Variants in NBEA observed in about 807,000 individuals in gnomAD.
NBEA encodes neurobeachin, also known as lysosomal-trafficking regulator 2.
Under a neutral mutation model 343.4 loss-of-function variants are expected in NBEA, and 44 were observed. The observed-to-expected ratio is 0.13, with a 90% CI of 0.10 to 0.16. The LOEUF is 0.16. Among genes scored for constraint, NBEA ranks in the 10% least tolerant of loss-of-function variants. The probability of loss-of-function intolerance (pLI) is 1.00; values close to 1 mark genes in which losing one functional copy is unlikely to be tolerated. For synonymous variants in NBEA, 1,175 were observed against 1,238.7 expected, an observed-to-expected ratio of 0.95 and a Z score of 1.08; for missense variants, 2,555 against 3,631.3, an observed-to-expected ratio of 0.70 and a Z score of 7.62.
intron 41 of NBEA, chr13:35,476,506 C>T: frequency 4.5e-6 from 3 of 665,976 alleles, no homozygotes; most frequent in Non-Finnish European, 7.9e-6. Context: ...ACAAAAGTTG[C>T]GCTGAGACCC....
chr13:35,395,391 G>T (rs1378879574), intron 38 of NBEA, among the ~76,000 whole-genome samples: 2 of 151,720 alleles, frequency 1.3e-5, no homozygotes, highest in Non-Finnish European at 2.9e-5. Flanking sequence ...CTTCTGCTCT[G>T]GTTATGTAAG....
chr13:35,426,694 C>T (rs1220309209), intron 38 of NBEA, among the ~76,000 whole-genome samples: 1 of 152,072 alleles, frequency 6.6e-6, no homozygotes, highest in African/African-American at 2.4e-5. Context: ...TGTTGGCCTG[C>T]CTTGCTAGGT....
chr13:35,110,208 C>T (rs2066131729), intron 12 of NBEA, among the ~76,000 whole-genome samples: 1 of 126,060 alleles, frequency 7.9e-6, no homozygotes, highest in Non-Finnish European at 1.6e-5. Flanking sequence ...CCTCCCCCCT[C>T]CCCCGAAAGA....
At chr13:35,391,689 G>A (rs1170006236) in intron 38 of NBEA, among the ~76,000 whole-genome samples, 2 of 152,102 alleles carry the variant, frequency 1.3e-5, no homozygotes, top group Non-Finnish European at 2.9e-5. Flanking sequence ...TTGGAAACAT[G>A]GAACATAAAA....
chr13:35,450,434 C>G (rs1257616021), intron 39 of NBEA, among the ~76,000 whole-genome samples: 1 of 152,170 alleles, frequency 6.6e-6, no homozygotes, highest in Non-Finnish European at 1.5e-5. Flanking sequence ...CTGCAGTGAG[C>G]TGTGATCATG....
At position 35,509,070 on chromosome 13, in the gene NBEA, G is replaced by T. The variant is rs565226085; in HGVS notation, c.6585+36534G>T. 2.2e-4 allele frequency among the ~76,000 whole-genome samples: 34 copies of T among 152,312 alleles called. No homozygotes were observed. In the South Asian group the frequency reaches 2.9e-3, roughly 13 times the overall value. ...CCCTGACCAGGAGTCCCTCCCATGGGTAACTGTTTATAATGGCGGATGCCA... is the reference window on the plus strand; with the variant it reads ...CCCTGACCAGGAGTCCCTCCCATGGTTAACTGTTTATAATGGCGGATGCCA... On this transcript the variant is annotated intron_variant, in intron 41 of 58. Transcript: ENST00000379939.
intron 41 of NBEA, among the ~76,000 whole-genome samples, chr13:35,485,827 GAAT>G (rs1342841471): frequency 2.6e-5 from 4 of 152,016 alleles, no homozygotes; most frequent in Non-Finnish European, 5.9e-5. Context: ...ACAAAAATCA[GAAT>G]AATATCAAAT....
chr13:35,640,178 C>A (rs935943570), intron 49 of NBEA, among the ~76,000 whole-genome samples: 16 of 152,156 alleles, frequency 1.1e-4, no homozygotes, highest in Non-Finnish European at 2.2e-4. Flanking sequence ...AACACATAAG[C>A]ACACATTATA....
chr13:35,625,433 A>G (rs1251088207), intron 48 of NBEA, among the ~76,000 whole-genome samples: 3 of 152,088 alleles, frequency 2.0e-5, no homozygotes, highest in Admixed American at 6.5e-5. Flanking sequence ...CCTGGGCAAC[A>G]TGGCGAAACC....
At chr13:35,101,563 A>G (rs912610434) in intron 11 of NBEA, among the ~76,000 whole-genome samples, 9 of 151,722 alleles carry the variant, frequency 5.9e-5, no homozygotes, top group Admixed American at 5.9e-4. Context: ...GTGTCTTATT[A>G]TTGATTTGTA....
intron 1 of NBEA, among the ~76,000 whole-genome samples, chr13:34,979,662 T>TA (rs1347637277): frequency 5.3e-5 from 8 of 152,234 alleles, no homozygotes; most frequent in Non-Finnish European, 8.8e-5. Context: ...GGAAATTTTT[T>TA]AAAAGTCTGT....
chr13:35,010,158 G>A (rs1173355360), intron 1 of NBEA, among the ~76,000 whole-genome samples: 1 of 152,160 alleles, frequency 6.6e-6, no homozygotes, highest in Admixed American at 6.5e-5. Flanking sequence ...TGAGTTATTA[G>A]TATCTTGTTG....
chr13:35,585,979 C>T (rs2081275138), intron 46 of NBEA, among the ~76,000 whole-genome samples: 1 of 152,124 alleles, frequency 6.6e-6, no homozygotes, highest in Non-Finnish European at 1.5e-5. Flanking sequence ...TTCCTTTATT[C>T]TTGCCTTCTC....
chr13:35,072,384 A>G (rs1214284169), intron 10 of NBEA, among the ~76,000 whole-genome samples: 2 of 152,126 alleles, frequency 1.3e-5, no homozygotes, highest in African/African-American at 4.8e-5. Flanking sequence ...TATTTATATT[A>G]TATCTTGGTA....
chr13:35,448,908 C>T (rs2046170163), intron 39 of NBEA, among the ~76,000 whole-genome samples: 1 of 152,110 alleles, frequency 6.6e-6, no homozygotes, highest in Non-Finnish European at 1.5e-5. Context: ...TATGTGTAAG[C>T]TGTTAACGTG....
chr13:35,617,591 T>C (rs2082790724), intron 48 of NBEA, among the ~76,000 whole-genome samples: 1 of 152,230 alleles, frequency 6.6e-6, no homozygotes, highest in Non-Finnish European at 1.5e-5. Flanking sequence ...CTCTGAGAAC[T>C]GTCTTAAGCA....
intron 41 of NBEA, among the ~76,000 whole-genome samples, chr13:35,512,555 G>C (rs2077314854): frequency 6.6e-6 from 1 of 152,198 alleles, no homozygotes; most frequent in African/African-American, 2.4e-5. Flanking sequence ...CTTCTCAACA[G>C]ATAATCTTCC....
chr13:35,131,842 C>T (rs2067447279), intron 17 of NBEA, among the ~76,000 whole-genome samples: 1 of 152,074 alleles, frequency 6.6e-6, no homozygotes, highest in Admixed American at 6.5e-5. Flanking sequence ...TATCTGACCA[C>T]ACAGAATTAA....
intron 36 of NBEA, among the ~76,000 whole-genome samples, chr13:35,348,128 A>C (rs1440868335): frequency 6.6e-6 from 1 of 152,072 alleles, no homozygotes; most frequent in Non-Finnish European, 1.5e-5. Flanking sequence ...ACTGCAAAAG[A>C]GCATGTGGGA....
Sources: allele counts gnomAD v4.1 joint callset (sites outside exome capture counted in the v4.1 genomes callset), GRCh38; gene constraint gnomAD v4.1.1; transcripts MANE v1.5; gene names NCBI Gene and HGNC (gene_info 2026-07-23, HGNC 2026-07-21).